Variants in FMO5 observed in about 807,000 individuals in gnomAD.
The protein encoded by FMO5 is flavin containing dimethylaniline monoxygenase 5.
FMO5 carries 51 observed loss-of-function variants against 43.6 expected under a neutral mutation model. The observed-to-expected ratio is 1.17, with a 90% CI of 0.93 to 1.48. The LOEUF is 1.48. FMO5 is among the 40% of genes most tolerant of loss of function. The pLI is 0.00. For synonymous variants in FMO5, 187 were observed against 216.5 expected (o/e 0.86, Z 1.20); for missense variants, 644 against 643.0 (o/e 1.00, Z -0.02).
chr1:147,219,898 G>A (rs1553925889), intron 2 of FMO5, among the ~76,000 whole-genome samples: 1 of 149,150 alleles, frequency 6.7e-6, no homozygotes, highest in East Asian at 2.0e-4. Context: ...GAGTGCAGTG[G>A]CACAATCTCG....
chr1:147,216,658 C>G (rs893717468), intron 2 of FMO5, among the ~76,000 whole-genome samples: 2 of 152,110 alleles, frequency 1.3e-5, no homozygotes, highest in African/African-American at 4.8e-5. Flanking sequence ...ATGAGACAAG[C>G]TAAATGCCCA....
In FMO5 at chr1:147,225,310, G is replaced by C; in HGVS notation, c.-61C>G. 1 of 556,458 alleles carries C rather than the reference G, an allele frequency of 1.8e-6. No individual in the cohort carries two copies. Among genetic ancestry groups the C allele is most frequent in the Non-Finnish European group, 2.8e-6 (1 of 354,324 alleles). The allele number at this position is 556,458 out of a possible 1,614,324, so 34.5% of individuals were successfully genotyped here. A position where few individuals can be genotyped will look rare whatever the true frequency, so the allele number is the denominator to read the frequency against. On this transcript the variant is annotated 5_prime_UTR_variant, in exon 1 of 9. In the 5' UTR this introduces an upstream ATG that the reference lacks. Transcript: ENST00000254090. ...ACCGCCTTTCCTGAAGCGCTCAACAGATCCTTCAGCTGCGATCTGGAGGAG... is the reference window on the plus strand; with the variant it reads ...ACCGCCTTTCCTGAAGCGCTCAACACATCCTTCAGCTGCGATCTGGAGGAG...
chr1:147,187,316 T>A, intron 8 of FMO5, 71 bp from the exon 9 acceptor site: 1 of 1,132,300 alleles, frequency 8.8e-7, no homozygotes, highest in Non-Finnish European at 1.3e-6. Flanking sequence ...TACTGCCTTC[T>A]GAGTGCCTGC....
intron 4 of FMO5, 134 bp from the exon 5 acceptor site, chr1:147,212,669 T>A: frequency 1.2e-6 from 1 of 829,104 alleles, no homozygotes; most frequent in Non-Finnish European, 1.9e-6. Context: ...AGCTACTTTC[T>A]TGCCTTTCTC....
chr1:147,221,449 T>C (rs1265019327), intron 2 of FMO5, among the ~76,000 whole-genome samples: 5 of 152,204 alleles, frequency 3.3e-5, no homozygotes, highest in Non-Finnish European at 7.3e-5. Flanking sequence ...TATTTAAACA[T>C]GTTTGTACAT....
chr1:147,200,007 G>C (rs587744483), intron 7 of FMO5, among the ~76,000 whole-genome samples: 3 of 152,144 alleles, frequency 2.0e-5, no homozygotes, highest in Admixed American at 6.5e-5. Context: ...ACATCATCTT[G>C]TTTCTCTCTA....
rs587765366 is a variant in FMO5 at position 147,206,258 on chromosome 1, C to T, written c.830+2594G>A. On this transcript the variant is annotated intron_variant, in intron 6 of 8. Transcript: ENST00000254090. ...GTTAGAATGGCGATCATTAAAAAGTCAGGAAACAACAGGTGCTGGAGAGGA... is the reference window on the plus strand; with the variant it reads ...GTTAGAATGGCGATCATTAAAAAGTTAGGAAACAACAGGTGCTGGAGAGGA... Among the ~76,000 whole-genome samples the T allele has an allele frequency of 2.7e-3, 412 of 151,114 alleles. 2 individuals are homozygous for T. Among genetic ancestry groups the T allele is most frequent in the African/African-American group, 9.0e-3 (367 of 40,744 alleles).
intron 7 of FMO5, 118 bp from the exon 8 acceptor site, chr1:147,190,367 A>C (rs938288398): frequency 1.4e-5 from 9 of 631,694 alleles, no homozygotes; most frequent in Admixed American, 1.2e-4. Context: ...TCCTGTACTC[A>C]AGGAGGTTAC....
chr1:147,219,225 A>G lies in FMO5; in HGVS notation c.136-3283T>C, dbSNP rs182162173. ...AACTGTAAAATTAAATTTACATTCT[A>G]ATCACCAAATATGTAATATTATGTC... is the stretch of plus-strand genomic sequence containing the variant. On this transcript the variant is annotated intron_variant, in intron 2 of 8. Transcript: ENST00000254090. 4.6e-5 allele frequency among the ~76,000 whole-genome samples: 7 copies of G among 152,326 alleles called. No homozygotes were observed. The East Asian group carries it at 1.3e-3, about 29-fold the overall frequency.
chr1:147,209,170 A>G, intron 5 of FMO5, 119 bp from the exon 6 acceptor site: 2 of 746,328 alleles, frequency 2.7e-6, no homozygotes, highest in Non-Finnish European at 2.1e-6. Flanking sequence ...CTGTAATCCC[A>G]GCACTTTGGG....
intron 7 of FMO5, among the ~76,000 whole-genome samples, chr1:147,191,832 A>G (rs1656894843): frequency 6.6e-6 from 1 of 151,972 alleles, no homozygotes; most frequent in Non-Finnish European, 1.5e-5. Context: ...GACATGCGGC[A>G]TTATTTCTGA....
intron 6 of FMO5, among the ~76,000 whole-genome samples, chr1:147,201,936 G>A (rs28381209): frequency 0.037 from 5,609 of 152,234 alleles, 145 homozygotes; most frequent in South Asian, 0.095. Context: ...CAAACTGTAT[G>A]ATAAATTACA....
intron 5 of FMO5, 51 bp downstream of exon 5, chr1:147,212,342 G>A: frequency 6.3e-7 from 1 of 1,593,330 alleles, no homozygotes; most frequent in Non-Finnish European, 8.6e-7. Context: ...CTTCCTTGGA[G>A]AAACTGAAGC....
intron 3 of FMO5, 161 bp downstream of exon 3, chr1:147,215,593 G>C: frequency 3.6e-6 from 2 of 554,178 alleles, no homozygotes; most frequent in Non-Finnish European, 6.3e-6. Context: ...GAATATTTTT[G>C]AGGAGCAAAG....
intron 2 of FMO5, among the ~76,000 whole-genome samples, chr1:147,216,308 A>C (rs759162046): frequency 6.6e-6 from 1 of 152,176 alleles, no homozygotes; most frequent in Non-Finnish European, 1.5e-5. Flanking sequence ...ACATGAAGAG[A>C]ATGTCTGGGA....
At chr1:147,203,875 T>C in intron 6 of FMO5, 1 of 1,581,740 alleles carries the variant, frequency 6.3e-7, no homozygotes, top group South Asian at 1.1e-5. Context: ...CTCCAACTTC[T>C]GAGAGGTAAA....
At chr1:147,212,682 T>G (rs1661276278) in intron 4 of FMO5, 147 bp from the exon 5 acceptor site, 2 of 722,536 alleles carry the variant, frequency 2.8e-6, no homozygotes, top group Admixed American at 5.8e-5. Flanking sequence ...CCTTTCTCAG[T>G]ATTTTTGCCT....
intron 6 of FMO5, among the ~76,000 whole-genome samples, chr1:147,202,013 A>G (rs1571249506): frequency 2.0e-5 from 3 of 152,188 alleles, no homozygotes; most frequent in East Asian, 3.8e-4. Context: ...ACAAAACTCT[A>G]TGAAGGAAGC....
chr1:147,187,215 C>T lies in FMO5; in HGVS notation c.1287G>A (p.Gln429=). The part of the protein sequence containing the change: ...RYVESQRHTI[Q]GDYIDTMEEL... ...CTTCCATGGTATCTATGTAGTCTCCCTGAATGGTATGGCGTTGGCTCTCCA... is the reference window on the plus strand; with the variant it reads ...CTTCCATGGTATCTATGTAGTCTCCTTGAATGGTATGGCGTTGGCTCTCCA... Residue 429 remains glutamine (Q), a synonymous_variant, in exon 9 of 9, where the codon CAG becomes CAA. Coordinates refer to ENST00000254090, the MANE Select transcript of FMO5 (RefSeq NM_001461.4). 6.2e-7 allele frequency: 1 copy of T among 1,613,116 alleles called. No homozygotes were observed. The highest frequency in any genetic ancestry group is 8.5e-7 in the Non-Finnish European group (1 of 1,179,560).
Sources: gnomAD v4.1 joint callset for allele counts (sites outside exome capture counted in the v4.1 genomes callset) on GRCh38, gnomAD v4.1.1 for gene constraint, MANE v1.5 for transcripts, NCBI Gene and HGNC (gene_info 2026-07-23, HGNC 2026-07-21) for gene names.